The following CXXC1 variants were observed in gnomAD, a reference collection of about 807,000 sequenced individuals.
The protein encoded by CXXC1 is CXXC-type zinc finger protein 1.
In CXXC1, 21 loss-of-function variants were observed where a neutral mutation model predicts 83.6. The observed-to-expected ratio is 0.25, with a 90% CI of 0.18 to 0.36. The LOEUF is 0.36. CXXC1 is among the 10% of genes least tolerant of loss of function. The probability of loss-of-function intolerance (pLI) is 1.00; values close to 1 mark genes in which losing one functional copy is unlikely to be tolerated. For synonymous variants in CXXC1, 371 were observed against 337.5 expected, an observed-to-expected ratio of 1.10 and a Z score of -1.09; for missense variants, 688 against 919.5, an observed-to-expected ratio of 0.75 and a Z score of 3.26.
chr18:50,286,926 C>T, intron 1 of CXXC1, 68 bp from the exon 2 acceptor site: 3 of 1,132,894 alleles, frequency 2.6e-6, no homozygotes, highest in Admixed American at 3.4e-5. Flanking sequence ...CCCATTACAA[C>T]TCCACCGTGG....
At chr18:50,283,432 T>C in intron 12 of CXXC1, 71 bp from the exon 13 acceptor site, 1 of 1,604,238 alleles carries the variant, frequency 6.2e-7, no homozygotes, top group Non-Finnish European at 8.5e-7. Flanking sequence ...TGGTTGCCCG[T>C]ATCCTGCCCC....
At position 50,287,573 on chromosome 18, in the gene CXXC1, G is replaced by C; in HGVS notation, c.3+14C>G. 6.2e-7 allele frequency: 1 copy of C among 1,612,102 alleles called. No homozygotes were observed. Among genetic ancestry groups the C allele is most frequent in the Non-Finnish European group, 8.5e-7 (1 of 1,179,750 alleles). On this transcript the variant is annotated intron_variant, in intron 1 of 14. Coordinates refer to ENST00000285106, the MANE Select transcript of CXXC1 (RefSeq NM_014593.4). ...ACCTCCACCGCCGAACCCCTCCCTGGACCCGCTACTTACCATATCTCCGCT... is the reference window on the plus strand; with the variant it reads ...ACCTCCACCGCCGAACCCCTCCCTGCACCCGCTACTTACCATATCTCCGCT...
At position 50,285,538 on chromosome 18, in the gene CXXC1, ACT is replaced by A; in HGVS notation, c.640-189_640-188del. 1 of 948,806 alleles carries A rather than the reference ACT, an allele frequency of 1.1e-6. No individual in the cohort carries two copies. Among genetic ancestry groups the A allele is most frequent in the East Asian group, 2.6e-5 (1 of 37,994 alleles). The allele number at this position is 948,806 out of a possible 1,614,324, so 58.8% of individuals were successfully genotyped here. A position where few individuals can be genotyped will look rare whatever the true frequency, so the allele number is the denominator to read the frequency against. On this transcript the variant is annotated intron_variant, in intron 5 of 14. Transcript: ENST00000285106. The surrounding 1 kb of genome is among the most constrained non-coding windows in gnomAD (Gnocchi z 4.4). ...TGACCACCTGAAAACACCTGGCCCC[ACT>A]CTGTCTACCCAGGGTTGGTGGGGGT... is the stretch of plus-strand genomic sequence containing the variant.
At position 50,285,407 on chromosome 18, in the gene CXXC1, G is replaced by A. The variant is rs2040698126; in HGVS notation, c.640-56C>T. 3 of 1,538,926 alleles carry A rather than the reference G, an allele frequency of 1.9e-6. No individual in the cohort carries two copies. The Admixed American group carries it at 6.0e-5, about 31-fold the overall frequency. ...CCCCAGGTGGATGGAGGGCGGCCTTGCCCTAGCCCTACCCACCTGGCCTGG... is the reference window on the plus strand; with the variant it reads ...CCCCAGGTGGATGGAGGGCGGCCTTACCCTAGCCCTACCCACCTGGCCTGG... On this transcript the variant is annotated intron_variant, in intron 5 of 14. Transcript: ENST00000285106. This position sits in a 1 kb window ranked among gnomAD's most constrained non-coding sequence, Gnocchi z 4.4.
chr18:50,285,572 C>T lies in CXXC1; in HGVS notation c.639+177G>A, dbSNP rs557672880. ...ACCCAGGGTTGGTGGGGGTGTTCTGCCAGCCCAGCATACCAGGTCATGCCC... is the reference window on the plus strand; with the variant it reads ...ACCCAGGGTTGGTGGGGGTGTTCTGTCAGCCCAGCATACCAGGTCATGCCC... On this transcript the variant is annotated intron_variant, in intron 5 of 14. Transcript: ENST00000285106. The surrounding 1 kb of genome is among the most constrained non-coding windows in gnomAD (Gnocchi z 4.4). The T allele has an allele frequency of 2.0e-6, 2 of 998,310 alleles. No homozygotes were observed. The highest frequency in any genetic ancestry group is 2.9e-6 in the Non-Finnish European group (2 of 687,954). 61.8% of individuals were successfully genotyped at this position (998,310 alleles called of 1,614,324 possible). A position where few individuals can be genotyped will look rare whatever the true frequency, so the allele number is the denominator to read the frequency against.
Position 50,286,521 on chromosome 18 carries a change from T to A in CXXC1, c.223+18A>T. 2 of 1,607,396 alleles carry A rather than the reference T, an allele frequency of 1.2e-6. No homozygotes were observed. Among genetic ancestry groups the A allele is most frequent in the Non-Finnish European group, 1.7e-6 (2 of 1,174,024 alleles). On this transcript the variant is annotated intron_variant, in intron 3 of 14. Transcript: ENST00000285106. ...CTTGAAGCCCCACCTGCCTTCCCTG[T>A]CCATCCATGGCCCTCACCTCTGCAC... is the stretch of plus-strand genomic sequence containing the variant.
chr18:50,287,628 G>T lies in CXXC1; in HGVS notation c.-39C>A. 1 of 1,608,814 alleles carries T rather than the reference G, an allele frequency of 6.2e-7. No homozygotes were observed. Among genetic ancestry groups the T allele is most frequent in the Non-Finnish European group, 8.5e-7 (1 of 1,179,736 alleles). ...GCGCACTCCCTCACGACCCCCGCCA[G>T]CGACCCGCGAACCTGCACAGACCAC... On this transcript the variant is annotated 5_prime_UTR_variant, in exon 1 of 15. The change creates a new upstream start codon in the 5' untranslated region. Coordinates refer to ENST00000285106, the MANE Select transcript of CXXC1 (RefSeq NM_014593.4).
At chr18:50,287,376 G>A (rs1447268731) in intron 1 of CXXC1, 4 of 583,798 alleles carry the variant, frequency 6.9e-6, no homozygotes, top group Non-Finnish European at 1.2e-5. Flanking sequence ...ACTGCCACAC[G>A]GAGTCCCCAC....
In CXXC1 at chr18:50,282,864, C is replaced by T. The variant is rs1175966411; in HGVS notation, c.1814G>A (p.Arg605His). The T allele has an allele frequency of 6.2e-7, 1 of 1,614,168 alleles. No homozygotes were observed. The highest frequency in any genetic ancestry group is 8.5e-7 in the Non-Finnish European group (1 of 1,180,028). Residue 605 changes from arginine to histidine, a missense_variant, in exon 14 of 15, where the codon CGC becomes CAC. By Grantham distance (29) the Arg-to-His change is conservative (BLOSUM62 0). Transcript: ENST00000285106. This position sits in a 1 kb window ranked among gnomAD's most constrained non-coding sequence, Gnocchi z 5.8. Reference protein sequence around the residue: ...KLRRAEVDLERVRVWYKLDEL... With the variant: ...KLRRAEVDLEHVRVWYKLDEL... ...CGCACAGAAACCTACCACACGCACG[C>T]GCTCCAAGTCCACTTCCGCACGCCG...
In CXXC1 at chr18:50,284,011, G is replaced by A. The variant is rs2149297670; in HGVS notation, c.1296C>T (p.Arg432=). 4 of 1,612,966 alleles carry A rather than the reference G, an allele frequency of 2.5e-6. No individual in the cohort carries two copies. The highest frequency in any genetic ancestry group is 3.4e-6 in the Non-Finnish European group (4 of 1,179,902). Residue 432 remains arginine, a synonymous_variant, in exon 10 of 15, where the codon CGC becomes CGT. Coordinates refer to ENST00000285106, the MANE Select transcript of CXXC1 (RefSeq NM_014593.4). ...GGGCACTCTGCTGCTCTCGGCGAAT[G>A]CGTTCGAGCAGCTTCTTGCCGTGCT... The part of the protein sequence containing the change: ...AEEHGKKLLE[R]IRREQQSART...
At chr18:50,286,444 C>T (rs142590777) in intron 3 of CXXC1, 95 bp downstream of exon 3, 30 of 1,157,228 alleles carry the variant, frequency 2.6e-5, no homozygotes, top group Non-Finnish European at 3.4e-5. Context: ...CAGCTCACCA[C>T]AGACGTGTAT....
chr18:50,283,574 T>A lies in CXXC1; in HGVS notation c.1525-10A>T. 1 of 1,613,882 alleles carries A rather than the reference T, an allele frequency of 6.2e-7. No homozygotes were observed. The highest frequency in any genetic ancestry group is 8.5e-7 in the Non-Finnish European group (1 of 1,179,956). ...ACGTCTGGCTCTCATACTGGAGGGA[T>A]GAGCACAAATGGAGGGAACTGTGGA... On this transcript the variant is annotated splice_polypyrimidine_tract_variant and intron_variant, in intron 11 of 14. Transcript: ENST00000285106.
chr18:50,284,671 C>G (rs779713873), intron 8 of CXXC1, 61 bp downstream of exon 8: 16 of 1,609,810 alleles, frequency 9.9e-6, no homozygotes, highest in Non-Finnish European at 1.4e-5. Flanking sequence ...AGCCTCTGAC[C>G]TCTGCCTCTC....
rs2040698919 is a variant in CXXC1, at chr18:50,285,461, T to C, written c.640-110A>G. ...TACCTCCCCAGACACACCTCCCCGC[T>C]ACCCCTCATTGCCAGGAATGCTCAG... On this transcript the variant is annotated intron_variant, in intron 5 of 14. Transcript: ENST00000285106. This position sits in a 1 kb window ranked among gnomAD's most constrained non-coding sequence, Gnocchi z 4.4. 7.7e-7 allele frequency: 1 copy of C among 1,303,052 alleles called. No homozygotes were observed. Among genetic ancestry groups the C allele is most frequent in the African/African-American group, 1.5e-5 (1 of 67,204 alleles). The allele number at this position is 1,303,052 out of a possible 1,614,324, so 80.7% of individuals were successfully genotyped here.
rs2040700736 is a variant in CXXC1, at chr18:50,285,588, G to C, written c.639+161C>G. On this transcript the variant is annotated intron_variant, in intron 5 of 14. Transcript: ENST00000285106. The surrounding 1 kb of genome is among the most constrained non-coding windows in gnomAD (Gnocchi z 4.4). Reference sequence around the variant, plus strand: ...GGTGTTCTGCCAGCCCAGCATACCAGGTCATGCCCCATTCATCTGGACATG... The same window carrying C: ...GGTGTTCTGCCAGCCCAGCATACCACGTCATGCCCCATTCATCTGGACATG... The C allele has an allele frequency of 9.6e-7, 1 of 1,044,142 alleles. No individual in the cohort carries two copies. 64.7% of individuals were successfully genotyped at this position (1,044,142 alleles called of 1,614,324 possible).
At position 50,286,784 on chromosome 18, in the gene CXXC1, G is replaced by A. The variant is rs751587241; in HGVS notation, c.78C>T (p.Pro26=). The A allele has an allele frequency of 4.3e-6, 7 of 1,614,046 alleles. No individual in the cohort carries two copies. Among genetic ancestry groups the A allele is most frequent in the Middle Eastern group, 1.6e-4 (1 of 6,062 alleles). ...DSKSENGENA[P]IYCICRKPDI... ...CCGGTTTGCGGCAGATGCAGTAGAT[G>A]GGCGCATTCTCCCCATTCTCGGACT... Residue 26 remains proline (P), a synonymous_variant, in exon 2 of 15, where the codon CCC becomes CCT. Transcript: ENST00000285106.
rs1215144195 is a variant in CXXC1, at chr18:50,285,311, G to T, written c.666+14C>A. 1 of 1,607,226 alleles carries T rather than the reference G, an allele frequency of 6.2e-7. No individual in the cohort carries two copies. The highest frequency in any genetic ancestry group is 1.3e-5 in the African/African-American group (1 of 74,916). On this transcript the variant is annotated intron_variant, in intron 6 of 14. Transcript: ENST00000285106. This position sits in a 1 kb window ranked among gnomAD's most constrained non-coding sequence, Gnocchi z 4.4. ...GCCCGCATGCCCCACCCCACCCTGG[G>T]GGGCTGGACTCACCGAGGAAGGGAA... is the stretch of plus-strand genomic sequence containing the variant.
At chr18:50,284,307 C>T (rs1426846236) in intron 9 of CXXC1, 71 bp downstream of exon 9, 19 of 1,519,044 alleles carry the variant, frequency 1.3e-5, no homozygotes, top group Non-Finnish European at 1.7e-5. Context: ...GACTGGTAGA[C>T]ATACAGAAGG....
chr18:50,286,496 C>A, intron 3 of CXXC1, 43 bp downstream of exon 3: 1 of 1,549,100 alleles, frequency 6.5e-7, no homozygotes, highest in Middle Eastern at 1.7e-4. Context: ...CTCCTCCTCC[C>A]TTGAAGCCCC....
Sources: gnomAD v4.1 joint callset for allele counts on GRCh38, gnomAD v4.1.1 for gene constraint, Gnocchi (gnomAD v3.1) non-coding constraint, MANE v1.5 for transcripts, NCBI Gene and HGNC (gene_info 2026-07-23, HGNC 2026-07-21) for gene names.